Variants in SYN3 observed in about 807,000 individuals in gnomAD.
SYN3 encodes synapsin III.
A neutral mutation model predicts 65.8 loss-of-function variants in SYN3; 35 were observed. That is an observed-to-expected ratio of 0.53 (90% CI 0.41 to 0.70). The LOEUF (loss-of-function observed/expected upper bound fraction) is 0.70, where lower values mean the gene tolerates loss of function less well. Among genes scored for constraint, SYN3 ranks in the 30% least tolerant of loss-of-function variants. The probability of loss-of-function intolerance (pLI) is 0.00; values close to 1 mark genes in which losing one functional copy is unlikely to be tolerated. For synonymous variants in SYN3, 270 were observed against 292.9 expected (o/e 0.92, Z 0.80); for missense variants, 680 against 749.0 (o/e 0.91, Z 1.08).
chr22:32,711,584 G>T (rs976699125), intron 6 of SYN3, among the ~76,000 whole-genome samples: 7 of 152,100 alleles, frequency 4.6e-5, no homozygotes, highest in Admixed American at 2.0e-4. Context: ...AGGCTCTCTT[G>T]CTGTCCTTCT....
intron 6 of SYN3, among the ~76,000 whole-genome samples, chr22:32,683,718 C>T (rs2147123123): frequency 6.6e-6 from 1 of 152,316 alleles, no homozygotes; most frequent in Non-Finnish European, 1.5e-5. Context: ...TGTCTTCATG[C>T]TGGTCCTAAT....
At chr22:32,829,154 T>G (rs1159793168) in intron 6 of SYN3, among the ~76,000 whole-genome samples, 2 of 152,148 alleles carry the variant, frequency 1.3e-5, no homozygotes, top group African/African-American at 4.8e-5. Flanking sequence ...AGCTCGGCAC[T>G]TCTTAGCAGC....
chr22:32,596,219 C>T (rs2059197248), intron 7 of SYN3, among the ~76,000 whole-genome samples: 1 of 152,174 alleles, frequency 6.6e-6, no homozygotes, highest in Non-Finnish European at 1.5e-5. Flanking sequence ...CCCATACAGC[C>T]TGTGGAGCCA....
chr22:32,930,468 C>CT (rs960273349), intron 4 of SYN3, among the ~76,000 whole-genome samples: 4 of 152,102 alleles, frequency 2.6e-5, no homozygotes, highest in Non-Finnish European at 5.9e-5. Flanking sequence ...GAGTATATGT[C>CT]TTTATCAGCA....
At chr22:32,702,301 A>C (rs1814119267) in intron 6 of SYN3, among the ~76,000 whole-genome samples, 1 of 152,006 alleles carries the variant, frequency 6.6e-6, no homozygotes, top group Non-Finnish European at 1.5e-5. Flanking sequence ...CATGGTAAAA[A>C]CCTGTTTTTA....
chr22:32,569,257 A>ATCTATCTATCTATCTGTCTGTCTG (rs1237684658), intron 7 of SYN3, among the ~76,000 whole-genome samples: 65 of 12,088 alleles, frequency 5.4e-3, no homozygotes, highest in African/African-American at 0.022. Context: ...TGCATCCAAA[A>ATCTATCTATCTATCTGTCTGTCTG]TCTATCTATC....
rs1366605814 is a variant in SYN3 at position 32,657,350 on chromosome 22, A to C, written c.712-60614T>G. On this transcript the variant is annotated intron_variant, in intron 6 of 13. Coordinates refer to ENST00000358763, the MANE Select transcript of SYN3 (RefSeq NM_003490.4). The stretch of plus-strand genomic sequence containing the variant: ...ATGTTAGCCAGGATGGTCTCGATCT[A>C]CTGACATTGTGATCCACCCTCCTCA... Among the ~76,000 whole-genome samples, 8 of 151,704 alleles carry C rather than the reference A, an allele frequency of 5.3e-5. No individual in the cohort carries two copies. The South Asian group carries it at 1.7e-3, about 32-fold the overall frequency.
At position 33,031,866 on chromosome 22, in the gene SYN3, C is replaced by T. The variant is rs988169500; in HGVS notation, c.-162-25042G>A. Among the ~76,000 whole-genome samples the T allele has an allele frequency of 8.5e-5, 13 of 152,210 alleles. No homozygotes were observed. In the Middle Eastern group the frequency reaches 0.017, roughly 199 times the overall value. On this transcript the variant is annotated intron_variant, in intron 1 of 13. Coordinates refer to ENST00000358763, the MANE Select transcript of SYN3 (RefSeq NM_003490.4). The stretch of plus-strand genomic sequence containing the variant: ...GGGAGGCCAGACATGTCCCATTCCA[C>T]GCCCTCCCTTTTGGAGTTTAGGCAC...
intron 6 of SYN3, among the ~76,000 whole-genome samples, chr22:32,680,561 A>G (rs2060509396): frequency 6.6e-6 from 1 of 152,208 alleles, no homozygotes; most frequent in African/African-American, 2.4e-5. Flanking sequence ...AGACTGGCCA[A>G]CTGGTTTACC....
intron 6 of SYN3, among the ~76,000 whole-genome samples, chr22:32,800,642 G>A (rs1337719047): frequency 6.6e-6 from 1 of 152,180 alleles, no homozygotes; most frequent in Non-Finnish European, 1.5e-5. Context: ...ATCCTGGATC[G>A]TTCTCCTGGT....
chr22:32,549,399 A>G (rs1461735254), intron 7 of SYN3, among the ~76,000 whole-genome samples: 1 of 152,108 alleles, frequency 6.6e-6, no homozygotes, highest in African/African-American at 2.4e-5. Context: ...GACTACAGGC[A>G]TGTGCCACCA....
intron 6 of SYN3, among the ~76,000 whole-genome samples, chr22:32,611,422 T>C (rs2059444404): frequency 6.6e-6 from 1 of 151,584 alleles, no homozygotes; most frequent in Non-Finnish European, 1.5e-5. Flanking sequence ...GTCCCCCGAG[T>C]AGCTGGGATT....
In SYN3 at chr22:32,511,881, G is replaced by A. The variant is rs139236054; in HGVS notation, c.*1811C>T. ...CTTCTGAATTATCCTGGGGTCTCTT[G>A]CTCTTAAATCCAGACCTGATCATGA... is the stretch of plus-strand genomic sequence containing the variant. On this transcript the variant is annotated 3_prime_UTR_variant, in exon 14 of 14. Coordinates refer to ENST00000358763, the MANE Select transcript of SYN3 (RefSeq NM_003490.4). 3.3e-5 allele frequency among the ~76,000 whole-genome samples: 5 copies of A among 152,300 alleles called. No individual in the cohort carries two copies. The highest frequency in any genetic ancestry group is 1.3e-4 in the Admixed American group (2 of 15,290).
intron 6 of SYN3, among the ~76,000 whole-genome samples, chr22:32,663,758 T>C (rs987832212): frequency 3.3e-5 from 5 of 152,358 alleles, no homozygotes; most frequent in Non-Finnish European, 5.9e-5. Flanking sequence ...TTTAAAATTT[T>C]GCATTGCACA....
chr22:32,623,748 G>C (rs1206446307), intron 6 of SYN3, among the ~76,000 whole-genome samples: 2 of 152,208 alleles, frequency 1.3e-5, no homozygotes, highest in African/African-American at 4.8e-5. Flanking sequence ...CATCTTCATA[G>C]GACTTATTCA....
At chr22:32,869,367 T>TCTCTCTCTCTCTCTCTCTCTCTCTCACA (rs61464794) in intron 4 of SYN3, among the ~76,000 whole-genome samples, 1 of 142,360 alleles carries the variant, frequency 7.0e-6, no homozygotes, top group African/African-American at 2.6e-5. Context: ...TCTCTCTCTC[T>TCTCTCTCTCTCTCTCTCTCTCTCTCACA]CACAGGCTCT....
chr22:32,715,906 GA>G (rs780573786), intron 6 of SYN3, among the ~76,000 whole-genome samples: 8 of 152,152 alleles, frequency 5.3e-5, no homozygotes, highest in Non-Finnish European at 4.4e-5. Flanking sequence ...AGCTGTGCTG[GA>G]ACCAAGTACT....
intron 6 of SYN3, among the ~76,000 whole-genome samples, chr22:32,752,879 T>C (rs1299521475): frequency 6.6e-6 from 1 of 151,888 alleles, no homozygotes; most frequent in Non-Finnish European, 1.5e-5. Flanking sequence ...GGCGGAAGTG[T>C]GTGGGAAGCA....
intron 1 of SYN3, among the ~76,000 whole-genome samples, chr22:33,018,754 A>G (rs1247901355): frequency 1.3e-5 from 2 of 152,122 alleles, no homozygotes; most frequent in Non-Finnish European, 2.9e-5. Context: ...TGACACCCCA[A>G]ACTTCTTTCC....
Sources: allele counts gnomAD v4.1 joint callset (sites outside exome capture counted in the v4.1 genomes callset), GRCh38; gene constraint gnomAD v4.1.1; transcripts MANE v1.5; gene names NCBI Gene and HGNC (gene_info 2026-07-23, HGNC 2026-07-21).